The following ARHGAP42 variants were observed in gnomAD, a reference collection of about 807,000 sequenced individuals.
The protein encoded by ARHGAP42 is Rho GTPase activating protein 42.
A neutral mutation model predicts 125.0 loss-of-function variants in ARHGAP42; 63 were observed. The ratio of observed to expected loss-of-function variants is 0.50; its 90% CI spans 0.41 to 0.62. The LOEUF is 0.62. Ranked by LOEUF, ARHGAP42 falls within the 20% of genes least tolerant of loss-of-function variation. The pLI is 0.00. For missense variants in ARHGAP42, 766 were observed against 1,024.2 expected (o/e 0.75, Z 3.44); for synonymous variants, 339 against 351.0 (o/e 0.97, Z 0.38).
rs1488623155 is a variant in ARHGAP42 at position 100,896,988 on chromosome 11, C to A, written c.385-16464C>A. The stretch of plus-strand genomic sequence containing the variant: ...ATGGTTTTAGGTCTAACATTTAAGT[C>A]TTTAATCCATCTTGAATTAATTTTT... On this transcript the variant is annotated intron_variant, in intron 4 of 23. Transcript: ENST00000298815. 2.0e-5 allele frequency among the ~76,000 whole-genome samples: 3 copies of A among 152,188 alleles called. No individual in the cohort carries two copies. In the East Asian group the frequency reaches 5.8e-4, roughly 29 times the overall value.
At chr11:100,787,973 G>A (rs1019522013) in intron 2 of ARHGAP42, among the ~76,000 whole-genome samples, 4 of 99,654 alleles carry the variant, frequency 4.0e-5, no homozygotes, top group Admixed American at 1.2e-4. Flanking sequence ...CTGAGGCAGA[G>A]ATGCCCCTAA....
intron 2 of ARHGAP42, among the ~76,000 whole-genome samples, chr11:100,776,592 G>A (rs76318683): frequency 0.026 from 3,896 of 152,224 alleles, 67 homozygotes; most frequent in Non-Finnish European, 0.033. Flanking sequence ...CAATCCCCCA[G>A]CTATTTCTGA....
chr11:100,802,976 A>G (rs562122521), intron 3 of ARHGAP42, among the ~76,000 whole-genome samples: 1 of 152,224 alleles, frequency 6.6e-6, no homozygotes, highest in Non-Finnish European at 1.5e-5. Context: ...TTCTAACATT[A>G]TAACAGAAAT....
At chr11:100,698,115 T>A (rs933343816) in intron 1 of ARHGAP42, among the ~76,000 whole-genome samples, 1 of 152,164 alleles carries the variant, frequency 6.6e-6, no homozygotes, top group Non-Finnish European at 1.5e-5. Context: ...TGTCTCCAAC[T>A]TCTAGCCTCA....
chr11:100,780,602 A>T (rs1331222209), intron 2 of ARHGAP42, among the ~76,000 whole-genome samples: 2 of 152,224 alleles, frequency 1.3e-5, no homozygotes, highest in East Asian at 3.8e-4. Flanking sequence ...CTCTTCTGTA[A>T]GAGCGACATT....
At chr11:100,709,379 A>G (rs552416317) in intron 1 of ARHGAP42, among the ~76,000 whole-genome samples, 9 of 152,322 alleles carry the variant, frequency 5.9e-5, no homozygotes, top group African/African-American at 2.2e-4. Context: ...TCAATCTGAT[A>G]TCTGAGACAG....
At chr11:100,750,720 CGGAGCAGGTAGTCGGAATGAGTCAGGGT>C (rs1276631602) in intron 1 of ARHGAP42, among the ~76,000 whole-genome samples, 1 of 147,800 alleles carries the variant, frequency 6.8e-6, no homozygotes, top group Non-Finnish European at 1.5e-5. Context: ...TGAGTCAGGG[CGGAGCAGGTAGTCGGAATGAGTCAGGGT>C]GGAGCAGGTT....
Position 100,893,457 on chromosome 11 carries a change from A to G in ARHGAP42, c.385-19995A>G, listed in dbSNP as rs115297915. ...AAGTTAGGATAAAATTTTTCTTTGT[A>G]TTTATTTTGGCAACAATGAATAGCT... On this transcript the variant is annotated intron_variant, in intron 4 of 23. Coordinates refer to ENST00000298815, the MANE Select transcript of ARHGAP42 (RefSeq NM_152432.4). Among the ~76,000 whole-genome samples, 593 of 152,192 alleles carry G rather than the reference A, an allele frequency of 3.9e-3. 3 individuals are homozygous for G. Among genetic ancestry groups the G allele is most frequent in the African/African-American group, 0.014 (567 of 41,550 alleles).
intron 4 of ARHGAP42, among the ~76,000 whole-genome samples, chr11:100,890,792 T>C (rs675395): frequency 0.4 from 61,237 of 152,048 alleles, 13,188 homozygotes; most frequent in Middle Eastern, 0.5. Flanking sequence ...TCTCACATAG[T>C]CCTTATGGCT....
rs554441931 is a variant in ARHGAP42 at position 100,988,881 on chromosome 11, C to T, written c.*80C>T. 127 of 1,016,304 alleles carry T rather than the reference C, an allele frequency of 1.2e-4. No individual in the cohort carries two copies. In the African/African-American group the frequency reaches 1.6e-3, roughly 13 times the overall value. The allele number at this position is 1,016,304 out of a possible 1,614,324, so 63.0% of individuals were successfully genotyped here. A position where few individuals can be genotyped will look rare whatever the true frequency, so the allele number is the denominator to read the frequency against. On this transcript the variant is annotated 3_prime_UTR_variant, in exon 24 of 24. Transcript: ENST00000298815. ...TATGATTTTATCTGACACAGATACACGGGGATCAGCCCACTAAGTGAAAAC... is the reference window on the plus strand; with the variant it reads ...TATGATTTTATCTGACACAGATACATGGGGATCAGCCCACTAAGTGAAAAC...
At chr11:100,962,717 A>G (rs928031526) in intron 16 of ARHGAP42, among the ~76,000 whole-genome samples, 2 of 152,058 alleles carry the variant, frequency 1.3e-5, no homozygotes, top group African/African-American at 4.8e-5. Context: ...TCTCTACTAA[A>G]AATACAAAAT....
At chr11:100,833,928 T>C (rs1864720640) in intron 3 of ARHGAP42, among the ~76,000 whole-genome samples, 1 of 152,160 alleles carries the variant, frequency 6.6e-6, no homozygotes, top group Non-Finnish European at 1.5e-5. Flanking sequence ...AATTTTTAAA[T>C]ATCATTAGGA....
At chr11:100,977,018 A>G (rs575734) in intron 21 of ARHGAP42, 47 bp downstream of exon 21, 424,559 of 1,544,116 alleles carry the variant, frequency 0.27, 69,318 homozygotes, top group East Asian at 0.74. Context: ...GGATACAGAG[A>G]GGAGTTGAGT....
chr11:100,988,357 T>G (rs1297235025), intron 23 of ARHGAP42, among the ~76,000 whole-genome samples: 2 of 152,160 alleles, frequency 1.3e-5, no homozygotes, highest in East Asian at 3.8e-4. Flanking sequence ...ATGCACACTT[T>G]AACCAACCAT....
At chr11:100,832,803 G>T (rs1864693348) in intron 3 of ARHGAP42, among the ~76,000 whole-genome samples, 1 of 152,136 alleles carries the variant, frequency 6.6e-6, no homozygotes, top group South Asian at 2.1e-4. Context: ...GATATGAATT[G>T]GAAGGAAGCC....
At chr11:100,736,472 G>A (rs1431524919) in intron 1 of ARHGAP42, among the ~76,000 whole-genome samples, 2 of 152,128 alleles carry the variant, frequency 1.3e-5, no homozygotes, top group Admixed American at 6.5e-5. Flanking sequence ...ACAAATCATG[G>A]GACTGCTACC....
rs34518912 is a variant in ARHGAP42 at position 100,784,664 on chromosome 11, CAA to C, written c.251-10430_251-10429del. On this transcript the variant is annotated intron_variant, in intron 2 of 23. Coordinates refer to ENST00000298815, the MANE Select transcript of ARHGAP42 (RefSeq NM_152432.4). Reference sequence around the variant, plus strand: ...TTTGACATGTGTTAAACTTGAGATTCAAAAAAAAAAAATCCTTAGTATTAAAT... The same window carrying C: ...TTTGACATGTGTTAAACTTGAGATTCAAAAAAAAAATCCTTAGTATTAAAT... Among the ~76,000 whole-genome samples the C allele has an allele frequency of 1.0e-3, 139 of 138,950 alleles. 1 individual carries two copies. Among genetic ancestry groups the C allele is most frequent in the African/African-American group, 3.5e-3 (134 of 37,870 alleles). 91.2% of individuals were successfully genotyped at this position (138,950 alleles called of 152,430 possible). A position where few individuals can be genotyped will look rare whatever the true frequency, so the allele number is the denominator to read the frequency against.
intron 4 of ARHGAP42, among the ~76,000 whole-genome samples, chr11:100,912,093 A>G (rs1866937716): frequency 1.3e-5 from 2 of 152,176 alleles, no homozygotes; most frequent in African/African-American, 4.8e-5. Flanking sequence ...TGGAAGTATA[A>G]CTGAGAAGAA....
intron 1 of ARHGAP42, among the ~76,000 whole-genome samples, chr11:100,710,315 C>T (rs1188850074): frequency 6.6e-6 from 1 of 151,804 alleles, no homozygotes; most frequent in Non-Finnish European, 1.5e-5. Flanking sequence ...GTAATCTCCA[C>T]CTCCCGGTTG....
Sources: allele counts gnomAD v4.1 joint callset (sites outside exome capture counted in the v4.1 genomes callset), GRCh38; gene constraint gnomAD v4.1.1; transcripts MANE v1.5; gene names NCBI Gene and HGNC (gene_info 2026-07-23, HGNC 2026-07-21).